Variants in CELF2 observed in about 807,000 individuals in gnomAD.
CELF2 encodes CUG triplet repeat RNA-binding protein 2.
A neutral mutation model predicts 62.6 loss-of-function variants in CELF2; 8 were observed. The ratio of observed to expected loss-of-function variants is 0.13; its 90% CI spans 0.07 to 0.23. The LOEUF (loss-of-function observed/expected upper bound fraction) is 0.23. Ranked by LOEUF, CELF2 falls within the 10% of genes least tolerant of loss-of-function variation. CELF2 has a pLI of 1.00. For synonymous variants in CELF2, 258 were observed against 250.0 expected (o/e 1.03, Z -0.30); for missense variants, 333 against 671.0 (o/e 0.50, Z 5.56).
chr10:10,940,503 G>A (rs753506509), intron 2 of CELF2, among the ~76,000 whole-genome samples: 40 of 152,088 alleles, frequency 2.6e-4, no homozygotes, highest in Admixed American at 1.3e-4. Flanking sequence ...ATTGTCACTT[G>A]GACATTTACA....
At chr10:11,049,122 T>TAAAA (rs11406502) in intron 1 of CELF2, among the ~76,000 whole-genome samples, 1 of 143,086 alleles carries the variant, frequency 7.0e-6, no homozygotes, top group African/African-American at 2.6e-5. Context: ...ACTGTTCTGT[T>TAAAA]AAAAAAAAAA....
chr10:11,183,342 C>T (rs2073996007), intron 2 of CELF2, among the ~76,000 whole-genome samples: 1 of 152,200 alleles, frequency 6.6e-6, no homozygotes, highest in Non-Finnish European at 1.5e-5. Context: ...CATCACCTCT[C>T]CTCTTGATGA....
chr10:10,930,766 C>T (rs898209356), intron 2 of CELF2, among the ~76,000 whole-genome samples: 3 of 152,144 alleles, frequency 2.0e-5, no homozygotes, highest in Non-Finnish European at 4.4e-5. Context: ...CATTCATTTT[C>T]TCCTGTATTT....
At chr10:10,927,453 G>T (rs139211889) in intron 2 of CELF2, among the ~76,000 whole-genome samples, 1 of 150,848 alleles carries the variant, frequency 6.6e-6, no homozygotes, top group African/African-American at 2.4e-5. Context: ...TTTTGAAATG[G>T]GTCTCACTCT....
At chr10:10,628,317 A>G in the CELF2 span, among the ~76,000 whole-genome samples, 8 of 152,198 alleles carry the variant, frequency 5.3e-5, no homozygotes, top group African/African-American at 1.9e-4. Flanking sequence ...TATCATACAA[A>G]CTAAGCTTCT....
intron 1 of CELF2, among the ~76,000 whole-genome samples, chr10:10,868,239 C>T (rs769072955): frequency 3.9e-5 from 6 of 152,152 alleles, no homozygotes; most frequent in Admixed American, 1.3e-4. Flanking sequence ...GAGCACTTGA[C>T]GTCAGATGTT....
chr10:10,718,619 G>A, the CELF2 span, among the ~76,000 whole-genome samples: 6 of 82,688 alleles, frequency 7.3e-5, no homozygotes, highest in East Asian at 3.4e-4. Context: ...GCAAGACTCC[G>A]TCTCAAAAAA....
chr10:11,230,266 T>C (rs1323752183), intron 3 of CELF2, among the ~76,000 whole-genome samples: 1 of 152,230 alleles, frequency 6.6e-6, no homozygotes, highest in Non-Finnish European at 1.5e-5. Context: ...AGTGCGTCTG[T>C]GTGTCAGAAC....
the CELF2 span, among the ~76,000 whole-genome samples, chr10:10,755,808 TTAA>T: frequency 3.1e-3 from 467 of 152,310 alleles, 3 homozygotes; most frequent in Admixed American, 5.3e-3. Context: ...AGCCAGTACA[TTAA>T]TACAACTGGT....
At chr10:10,978,015 T>A (rs2051554464) in intron 2 of CELF2, among the ~76,000 whole-genome samples, 1 of 151,578 alleles carries the variant, frequency 6.6e-6, no homozygotes, top group Admixed American at 6.6e-5. Context: ...TTGTGTGTTT[T>A]GGGTTTGGGT....
chr10:10,541,768 T>G, the CELF2 span, among the ~76,000 whole-genome samples: 1 of 152,332 alleles, frequency 6.6e-6, no homozygotes, highest in East Asian at 1.9e-4. Context: ...GTTTCTTTAC[T>G]GCATCCTGTT....
intron 2 of CELF2, among the ~76,000 whole-genome samples, chr10:10,937,855 G>A (rs1228061468): frequency 6.6e-6 from 1 of 152,108 alleles, no homozygotes; most frequent in Admixed American, 6.6e-5. Context: ...ATATATGGAG[G>A]GAGGGAAAGA....
At chr10:10,806,158 G>A (rs1009043074) in intron 1 of CELF2, among the ~76,000 whole-genome samples, 2 of 151,342 alleles carry the variant, frequency 1.3e-5, no homozygotes, top group Admixed American at 6.6e-5. Context: ...ACCACGAAGG[G>A]TATTTCCTGG....
chr10:10,901,749 C>T (rs2134117473), intron 1 of CELF2, among the ~76,000 whole-genome samples: 1 of 152,246 alleles, frequency 6.6e-6, no homozygotes. Context: ...AATATTATTA[C>T]ATTATATATC....
intron 1 of CELF2, among the ~76,000 whole-genome samples, chr10:11,101,101 G>T (rs1282125603): frequency 6.6e-6 from 1 of 152,182 alleles, no homozygotes; most frequent in Non-Finnish European, 1.5e-5. Flanking sequence ...ATGATGGATT[G>T]GATATGGAGG....
the CELF2 span, among the ~76,000 whole-genome samples, chr10:10,557,439 T>G: frequency 7.0e-6 from 1 of 142,688 alleles, no homozygotes. Flanking sequence ...TACTGTAGCC[T>G]TGCAGTAAAG....
the CELF2 span, among the ~76,000 whole-genome samples, chr10:10,549,128 G>A: frequency 3.9e-5 from 6 of 152,170 alleles, no homozygotes; most frequent in Non-Finnish European, 8.8e-5. Context: ...AGAGACAAGG[G>A]TAGCTAGAGA....
the CELF2 span, among the ~76,000 whole-genome samples, chr10:10,606,874 G>A: frequency 6.6e-6 from 1 of 152,096 alleles, no homozygotes. Flanking sequence ...CTCAAAGATG[G>A]CAGATTAGGA....
At chr10:11,134,049 A>G (rs907902148) in intron 1 of CELF2, among the ~76,000 whole-genome samples, 1 of 152,254 alleles carries the variant, frequency 6.6e-6, no homozygotes, top group Non-Finnish European at 1.5e-5. Context: ...CATAGACTGT[A>G]AATGACTAGC....
Sources: gnomAD v4.1 joint callset for allele counts (sites outside exome capture counted in the v4.1 genomes callset) on GRCh38, gnomAD v4.1.1 for gene constraint, MANE v1.5 for transcripts, NCBI Gene and HGNC (gene_info 2026-07-23, HGNC 2026-07-21) for gene names.